The following FOXP2 variants were observed in gnomAD, a reference collection of about 807,000 sequenced individuals.
FOXP2 encodes the protein forkhead box P2, also known as forkhead box protein P2.
Under a neutral mutation model 115.8 loss-of-function variants are expected in FOXP2, and 12 were observed. The observed-to-expected ratio is 0.10, with a 90% CI of 0.07 to 0.17. FOXP2 has a LOEUF of 0.17. Ranked by LOEUF, FOXP2 falls within the 10% of genes least tolerant of loss-of-function variation. The pLI is 1.00. For missense variants in FOXP2, 629 were observed against 843.5 expected (o/e 0.75, Z 3.15); for synonymous variants, 328 against 297.7 (o/e 1.10, Z -1.05).
chr7:114,437,970 T>A (rs1794429381), intron 2 of FOXP2, among the ~76,000 whole-genome samples: 1 of 152,206 alleles, frequency 6.6e-6, no homozygotes, highest in African/African-American at 2.4e-5. Context: ...AAAGGGAGAA[T>A]GTAAAATATT....
At chr7:114,424,521 A>G (rs1179558740) in intron 1 of FOXP2, among the ~76,000 whole-genome samples, 1 of 151,572 alleles carries the variant, frequency 6.6e-6, no homozygotes, top group Non-Finnish European at 1.5e-5. Context: ...TAATTTTCAT[A>G]TAACTAGTAA....
intron 2 of FOXP2, among the ~76,000 whole-genome samples, chr7:114,396,655 C>T (rs1347680884): frequency 6.6e-6 from 1 of 151,462 alleles, no homozygotes; most frequent in Non-Finnish European, 1.5e-5. Flanking sequence ...ATGATGGTTA[C>T]TAGGGGGTTG....
chr7:114,550,146 C>G (rs1800133975), intron 3 of FOXP2, among the ~76,000 whole-genome samples: 1 of 119,490 alleles, frequency 8.4e-6, no homozygotes, highest in Non-Finnish European at 1.6e-5. Flanking sequence ...GAGATGGAGT[C>G]TCGCTCTGTC....
chr7:114,095,133 A>G (rs1799618254), intron 1 of FOXP2, among the ~76,000 whole-genome samples: 1 of 152,206 alleles, frequency 6.6e-6, no homozygotes, highest in African/African-American at 2.4e-5. Context: ...GGTTTACTAT[A>G]AAGAGTAATC....
intron 1 of FOXP2, among the ~76,000 whole-genome samples, chr7:114,116,529 G>A (rs1791411708): frequency 2.0e-5 from 3 of 151,692 alleles, no homozygotes; most frequent in Non-Finnish European, 1.5e-5. Flanking sequence ...TGAAGTGATA[G>A]GTATAAAGAC....
At chr7:114,447,106 G>A (rs1448031847) in intron 2 of FOXP2, among the ~76,000 whole-genome samples, 2 of 151,890 alleles carry the variant, frequency 1.3e-5, no homozygotes, top group East Asian at 1.9e-4. Flanking sequence ...AGCAAGCTAG[G>A]ATTCTTGTCT....
At chr7:114,263,678 C>A (rs1795818027) in intron 1 of FOXP2, among the ~76,000 whole-genome samples, 1 of 151,460 alleles carries the variant, frequency 6.6e-6, no homozygotes, top group Non-Finnish European at 1.5e-5. Flanking sequence ...CCTCCTATAC[C>A]ATCCTGCATT....
chr7:114,611,032 G>A (rs1803598885), intron 3 of FOXP2, among the ~76,000 whole-genome samples: 1 of 152,144 alleles, frequency 6.6e-6, no homozygotes, highest in Non-Finnish European at 1.5e-5. Flanking sequence ...GAAATTCTGT[G>A]TGTAAGACAT....
Position 114,690,239 on chromosome 7 carries a change from G to A in FOXP2, c.*313G>A. The A allele has an allele frequency of 2.1e-6, 1 of 473,288 alleles. No individual in the cohort carries two copies. The highest frequency in any genetic ancestry group is 4.2e-6 in the Non-Finnish European group (1 of 240,642). The allele number at this position is 473,288 out of a possible 1,614,324, so 29.3% of individuals were successfully genotyped here. ...CCCATTTAAAAAATGTGGCTCTTAAGGGTTCATGAAATGACTGAATATGAG... is the reference window on the plus strand; with the variant it reads ...CCCATTTAAAAAATGTGGCTCTTAAAGGTTCATGAAATGACTGAATATGAG... On this transcript the variant is annotated 3_prime_UTR_variant, in exon 17 of 17. Transcript: ENST00000350908.
At chr7:114,323,279 G>A (rs1358278) in intron 2 of FOXP2, among the ~76,000 whole-genome samples, 68,576 of 151,828 alleles carry the variant, frequency 0.45, 16,055 homozygotes, top group African/African-American at 0.57. Context: ...TGTAATTTGA[G>A]TTTATCTGCC....
At chr7:114,269,894 T>C (rs1795992740) in intron 1 of FOXP2, among the ~76,000 whole-genome samples, 2 of 152,204 alleles carry the variant, frequency 1.3e-5, no homozygotes, top group Non-Finnish European at 2.9e-5. Flanking sequence ...CATCATTGAT[T>C]CTTCAAACAA....
chr7:114,360,063 G>A lies in FOXP2; in HGVS notation c.-10-66439G>A, dbSNP rs1356059936. 3.3e-5 allele frequency among the ~76,000 whole-genome samples: 5 copies of A among 152,144 alleles called. No homozygotes were observed. In the East Asian group the frequency reaches 9.7e-4, roughly 29 times the overall value. On this transcript the variant is annotated intron_variant, in intron 2 of 17. Transcript: ENST00000634411. ...CTCCCATAATCCCCATGTGTCATGG[G>A]AGGGATGCGGTGGGAGGTAATTGAA...
chr7:114,419,222 T>C (rs1793488846), intron 1 of FOXP2, among the ~76,000 whole-genome samples: 1 of 151,960 alleles, frequency 6.6e-6, no homozygotes, highest in South Asian at 2.1e-4. Flanking sequence ...CTTTATGACA[T>C]ACTGTTATTG....
chr7:114,467,801 A>C (rs1264360641), intron 2 of FOXP2, among the ~76,000 whole-genome samples: 2 of 152,168 alleles, frequency 1.3e-5, no homozygotes, highest in Non-Finnish European at 2.9e-5. Context: ...CATTAACAGT[A>C]AGGTAGTAGA....
intron 2 of FOXP2, among the ~76,000 whole-genome samples, chr7:114,507,738 A>G (rs1407040731): frequency 6.6e-6 from 1 of 151,988 alleles, no homozygotes; most frequent in African/African-American, 2.4e-5. Flanking sequence ...GCATAAGGAA[A>G]GCAAACTCCC....
chr7:114,365,497 G>C (rs895071861), intron 2 of FOXP2, among the ~76,000 whole-genome samples: 1 of 152,054 alleles, frequency 6.6e-6, no homozygotes, highest in Admixed American at 6.6e-5. Flanking sequence ...GGAAATCTGA[G>C]AGCCATGGAA....
chr7:114,691,246 T>G lies in FOXP2; in HGVS notation c.*1320T>G, dbSNP rs1409664463. Reference sequence around the variant, plus strand: ...GTCTTAATCTTTGTTGTGTACTATTTTTTTATAGTCTTAAGTTATAATGAA... The same window carrying G: ...GTCTTAATCTTTGTTGTGTACTATTGTTTTATAGTCTTAAGTTATAATGAA... On this transcript the variant is annotated 3_prime_UTR_variant, in exon 17 of 17. Coordinates refer to ENST00000350908, the MANE Select transcript of FOXP2 (RefSeq NM_014491.4). The G allele has an allele frequency of 1.8e-5, 8 of 453,570 alleles. No homozygotes were observed. Among genetic ancestry groups the G allele is most frequent in the Non-Finnish European group, 2.6e-5 (6 of 226,694 alleles). 28.1% of individuals were successfully genotyped at this position (453,570 alleles called of 1,614,324 possible).
chr7:114,656,160 C>T (rs1806576320), intron 10 of FOXP2, among the ~76,000 whole-genome samples: 1 of 152,064 alleles, frequency 6.6e-6, no homozygotes, highest in South Asian at 2.1e-4. Flanking sequence ...GTTTTGATAA[C>T]TTTTAATGTG....
At chr7:114,322,405 C>T (rs879660323) in intron 2 of FOXP2, among the ~76,000 whole-genome samples, 1 of 151,356 alleles carries the variant, frequency 6.6e-6, no homozygotes, top group Admixed American at 6.6e-5. Flanking sequence ...AGTCCCTGCA[C>T]TTTGGGAGGC....
Sources: allele counts gnomAD v4.1 joint callset (sites outside exome capture counted in the v4.1 genomes callset), GRCh38; gene constraint gnomAD v4.1.1; transcripts MANE v1.5; gene names NCBI Gene and HGNC (gene_info 2026-07-23, HGNC 2026-07-21).